PPT1: variants seen among roughly 807,000 people sequenced by gnomAD.
PPT1 encodes palmitoyl-protein thioesterase 1, also known as ceroid-palmitoyl-palmitoyl-protein thioesterase 1.
A neutral mutation model predicts 44.0 loss-of-function variants in PPT1; 24 were observed. That is an observed-to-expected ratio of 0.54 (90% confidence interval 0.39 to 0.77). PPT1 has a LOEUF of 0.77. Ranked by LOEUF, PPT1 falls within the 30% of genes least tolerant of loss-of-function variation. PPT1 has a pLI of 0.00. For missense variants in PPT1, 341 were observed against 378.8 expected (o/e 0.90, Z 0.83); for synonymous variants, 148 against 140.2 (o/e 1.06, Z -0.39).
At position 40,094,494 on chromosome 1, in the gene PPT1, C is replaced by T. The variant is rs905675520; in HGVS notation, c.125-1987G>A. Among the ~76,000 whole-genome samples, 31 of 152,060 alleles carry T rather than the reference C, an allele frequency of 2.0e-4. 1 individual carries two copies. Among genetic ancestry groups the T allele is most frequent in the African/African-American group, 7.5e-4 (31 of 41,424 alleles). Reference sequence around the variant, plus strand: ...AGTTTGGGACCCCCGCTCTAGGGCACAAAATTTAAGGAGGCACTCATTCTC... The same window carrying T: ...AGTTTGGGACCCCCGCTCTAGGGCATAAAATTTAAGGAGGCACTCATTCTC... On this transcript the variant is annotated intron_variant, in intron 1 of 8. Transcript: ENST00000642050.
rs563017334 is a variant in PPT1 at position 40,092,152 on chromosome 1, G to A, written c.255C>T (p.Phe85=). 13 of 1,614,124 alleles carry A rather than the reference G, an allele frequency of 8.1e-6. No individual in the cohort carries two copies. Among genetic ancestry groups the A allele is most frequent in the Non-Finnish European group, 1.0e-5 (12 of 1,179,964 alleles). ...TTGTTACTTGGGAATTGACATTCAAGAAGAAGCTGTTCTCCACGTCCTAAA... is the reference window on the plus strand; with the variant it reads ...TTGTTACTTGGGAATTGACATTCAAAAAGAAGCTGTTCTCCACGTCCTAAA... ...TLMEDVENSF[F]LNVNSQVTTV... is the part of the protein sequence containing the mutation. Residue 85 remains phenylalanine, a synonymous_variant, in exon 3 of 9, where the codon TTC becomes TTT. Transcript: ENST00000642050.
At chr1:40,077,087 C>T (rs562568845) in intron 7 of PPT1, among the ~76,000 whole-genome samples, 174 bp from the exon 8 acceptor site, 2 of 152,286 alleles carry the variant, frequency 1.3e-5, no homozygotes, top group South Asian at 4.1e-4. Flanking sequence ...GGGTGGAGCC[C>T]GAGGGATGAG....
At chr1:40,076,776 T>A (rs894787030) in intron 8 of PPT1, 66 bp downstream of exon 8, 1 of 1,611,320 alleles carries the variant, frequency 6.2e-7, no homozygotes, top group South Asian at 1.1e-5. Context: ...CCAAAGAACA[T>A]AGCAGCTTCA....
At chr1:40,080,708 T>C (rs1313541234) in intron 5 of PPT1, among the ~76,000 whole-genome samples, 4 of 152,190 alleles carry the variant, frequency 2.6e-5, no homozygotes, top group Non-Finnish European at 5.9e-5. Context: ...ACCCCGTCTC[T>C]ACTAAAACTA....
chr1:40,095,321 G>A (rs1392119171), intron 1 of PPT1, among the ~76,000 whole-genome samples: 3 of 152,186 alleles, frequency 2.0e-5, no homozygotes, highest in Non-Finnish European at 2.9e-5. Context: ...GGAATGGAGT[G>A]CCTCAGGGCT....
intron 4 of PPT1, among the ~76,000 whole-genome samples, chr1:40,090,333 C>T (rs756415644): frequency 4.7e-5 from 7 of 150,088 alleles, no homozygotes; most frequent in Non-Finnish European, 7.4e-5. Flanking sequence ...TCCATTTTAT[C>T]GTGTATATAT....
chr1:40,092,826 T>C (rs1649642263), intron 1 of PPT1, among the ~76,000 whole-genome samples: 1 of 152,054 alleles, frequency 6.6e-6, no homozygotes, highest in South Asian at 2.1e-4. Flanking sequence ...TGAGATACCA[T>C]TTCACACAGA....
intron 7 of PPT1, among the ~76,000 whole-genome samples, chr1:40,078,152 GT>G (rs113374191): frequency 1.3e-5 from 2 of 152,044 alleles, no homozygotes; most frequent in Admixed American, 6.6e-5. Flanking sequence ...GGGACTGAAG[GT>G]TTTTTCCCCA....
rs112036952 is a variant in PPT1, at chr1:40,086,424, G to A, written c.536+2986C>T. Among the ~76,000 whole-genome samples the A allele has an allele frequency of 9.1e-3, 1,392 of 152,342 alleles. 20 individuals carry two copies. The highest frequency in any genetic ancestry group is 0.032 in the African/African-American group (1,323 of 41,572). On this transcript the variant is annotated intron_variant, in intron 5 of 8. Coordinates refer to ENST00000642050, the MANE Select transcript of PPT1 (RefSeq NM_000310.4). ...GGGGCTTCCCCACCAGTTACTGTGCGTATTAGGATATCACGTTTGCTTTGC... is the reference window on the plus strand; with the variant it reads ...GGGGCTTCCCCACCAGTTACTGTGCATATTAGGATATCACGTTTGCTTTGC...
intron 1 of PPT1, among the ~76,000 whole-genome samples, chr1:40,094,364 A>G (rs1649732695): frequency 6.6e-6 from 1 of 152,202 alleles, no homozygotes; most frequent in African/African-American, 2.4e-5. Flanking sequence ...TTGAGAATCT[A>G]ATGCCACTGC....
intron 5 of PPT1, among the ~76,000 whole-genome samples, chr1:40,081,624 G>A (rs544299974): frequency 4.5e-4 from 68 of 152,170 alleles, no homozygotes; most frequent in African/African-American, 1.5e-3. Context: ...TTTGTCTACC[G>A]TCATGTGAGA....
At position 40,091,334 on chromosome 1, in the gene PPT1, T is replaced by C; in HGVS notation, c.428A>G (p.His143Arg). Residue 143 changes from histidine to arginine, a missense_variant, in exon 4 of 9, where the codon CAT (histidine) becomes CGT (arginine). Coordinates refer to ENST00000642050, the MANE Select transcript of PPT1 (RefSeq NM_000310.4). ...AAGCAAAGAGGCAAAGTTACCTTGA[T>C]GTTGTCCCCCAACCGAGATCAGATT... ...MINLISVGGQ[H>R]QGVFGLPRCP... 1.2e-6 allele frequency: 2 copies of C among 1,613,790 alleles called. No individual in the cohort carries two copies. Among genetic ancestry groups the C allele is most frequent in the South Asian group, 1.1e-5 (1 of 91,066 alleles).
Position 40,091,318 on chromosome 1 carries a change from G to A in PPT1, c.433+11C>T, listed in dbSNP as rs535946203. The stretch of plus-strand genomic sequence containing the variant: ...GAATACAGAAAAAAGAAAGCAAAGA[G>A]GCAAAGTTACCTTGATGTTGTCCCC... On this transcript the variant is annotated intron_variant, in intron 4 of 8. Coordinates refer to ENST00000642050, the MANE Select transcript of PPT1 (RefSeq NM_000310.4). 3.4e-5 allele frequency: 55 copies of A among 1,612,394 alleles called. No homozygotes were observed. In the South Asian group the frequency reaches 4.6e-4, roughly 14 times the overall value.
chr1:40,091,517 G>A, intron 3 of PPT1, 118 bp from the exon 4 acceptor site: 1 of 896,342 alleles, frequency 1.1e-6, no homozygotes, highest in East Asian at 2.6e-5. Context: ...AGAGTTTCAG[G>A]ATTTTCCTGA....
At chr1:40,082,592 G>A (rs1360627511) in intron 5 of PPT1, among the ~76,000 whole-genome samples, 1 of 152,168 alleles carries the variant, frequency 6.6e-6, no homozygotes, top group African/African-American at 2.4e-5. Context: ...CCAGAGCAAC[G>A]TCCTAACTCT....
At position 40,076,827 on chromosome 1, in the gene PPT1, C is replaced by A; in HGVS notation, c.798+15G>T. ...AAAAACACCAACCTCCCAAGATAGA[C>A]TCCCTGCCAGTTACCTGTGTGTACA... is the stretch of plus-strand genomic sequence containing the variant. On this transcript the variant is annotated intron_variant, in intron 8 of 8. Transcript: ENST00000642050. 1 of 1,614,090 alleles carries A rather than the reference C, an allele frequency of 6.2e-7. No individual in the cohort carries two copies. Among genetic ancestry groups the A allele is most frequent in the Non-Finnish European group, 8.5e-7 (1 of 1,179,960 alleles).
intron 1 of PPT1, among the ~76,000 whole-genome samples, chr1:40,096,043 C>G (rs1448057482): frequency 1.3e-5 from 2 of 152,226 alleles, no homozygotes; most frequent in African/African-American, 4.8e-5. Context: ...CCCTTGAACA[C>G]ACCAGACATA....
At chr1:40,096,803 G>A in intron 1 of PPT1, 1 of 403,188 alleles carries the variant, frequency 2.5e-6, no homozygotes, top group East Asian at 5.1e-5. Context: ...GCCAGCCGCA[G>A]CTCACCTAGC....
intron 1 of PPT1, among the ~76,000 whole-genome samples, chr1:40,095,693 C>T (rs1649807401): frequency 6.6e-6 from 1 of 152,144 alleles, no homozygotes; most frequent in Admixed American, 6.5e-5. Context: ...CAAAATCTAT[C>T]CAAACTTTGA....
Sources: gnomAD v4.1 joint callset for allele counts (sites outside exome capture counted in the v4.1 genomes callset) on GRCh38, gnomAD v4.1.1 for gene constraint, MANE v1.5 for transcripts, NCBI Gene and HGNC (gene_info 2026-07-23, HGNC 2026-07-21) for gene names.